GIMAP8: variants seen among roughly 807,000 people sequenced by gnomAD.
GIMAP8 encodes the protein GTPase IMAP family member 8.
A neutral mutation model predicts 35.6 loss-of-function variants in GIMAP8; 29 were observed. The ratio of observed to expected loss-of-function variants is 0.81; its 90% CI spans 0.61 to 1.11. The LOEUF (loss-of-function observed/expected upper bound fraction) is 1.11. Among genes scored for constraint, GIMAP8 ranks in the 50% most tolerant of loss-of-function variants. The pLI, the probability that GIMAP8 is intolerant of heterozygous loss-of-function variation, is 0.00. For synonymous variants in GIMAP8, 335 were observed against 308.7 expected, an observed-to-expected ratio of 1.09 and a Z score of -0.89; for missense variants, 811 against 805.0, an observed-to-expected ratio of 1.01 and a Z score of -0.09.
At chr7:150,470,478 G>T (rs559906430) in intron 2 of GIMAP8, among the ~76,000 whole-genome samples, 1 of 152,026 alleles carries the variant, frequency 6.6e-6, no homozygotes, top group East Asian at 1.9e-4. Context: ...CCATTTGCCA[G>T]ACTTGGGGGG....
intron 4 of GIMAP8, among the ~76,000 whole-genome samples, chr7:150,474,918 C>T (rs1038442913): frequency 2.6e-5 from 4 of 151,312 alleles, no homozygotes; most frequent in African/African-American, 9.7e-5. Context: ...TATTCCCCTT[C>T]CTGTGTCCAT....
At chr7:150,456,625 C>T (rs575553452) in intron 1 of GIMAP8, among the ~76,000 whole-genome samples, 24 of 152,336 alleles carry the variant, frequency 1.6e-4, no homozygotes, top group African/African-American at 5.5e-4. Context: ...TAAAGTAACA[C>T]AGCCACAGAT....
At chr7:150,464,896 G>A (rs1352960920) in intron 1 of GIMAP8, among the ~76,000 whole-genome samples, 3 of 152,184 alleles carry the variant, frequency 2.0e-5, no homozygotes, top group African/African-American at 4.8e-5. Flanking sequence ...GATAATGAGT[G>A]TAAGCACATT....
intron 1 of GIMAP8, among the ~76,000 whole-genome samples, chr7:150,452,521 T>C (rs1280852493): frequency 2.0e-5 from 3 of 148,672 alleles, no homozygotes; most frequent in Non-Finnish European, 4.4e-5. Flanking sequence ...TGTCTTTTTT[T>C]CTTAAATTAA....
chr7:150,471,394 A>G (rs953478086), intron 3 of GIMAP8, among the ~76,000 whole-genome samples: 1 of 152,260 alleles, frequency 6.6e-6, no homozygotes, highest in African/African-American at 2.4e-5. Flanking sequence ...AACAAATGCA[A>G]CCATGCCTTT....
At chr7:150,455,858 G>A (rs1801720080) in intron 1 of GIMAP8, among the ~76,000 whole-genome samples, 1 of 152,130 alleles carries the variant, frequency 6.6e-6, no homozygotes, top group Non-Finnish European at 1.5e-5. Flanking sequence ...ACAAAGAGTT[G>A]GTCTCTGGGA....
At chr7:150,470,581 T>C (rs112624824) in intron 2 of GIMAP8, among the ~76,000 whole-genome samples, 113 of 152,058 alleles carry the variant, frequency 7.4e-4, no homozygotes, top group African/African-American at 2.6e-3. Flanking sequence ...GAAGGAGACG[T>C]TGGAAACATC....
Position 150,477,130 on chromosome 7 carries a change from G to A in GIMAP8, c.1348G>A (p.Gly450Arg). 6.2e-7 allele frequency: 1 copy of A among 1,612,002 alleles called. No homozygotes were observed. Among genetic ancestry groups the A allele is most frequent in the Non-Finnish European group, 8.5e-7 (1 of 1,178,218 alleles). Residue 450 changes from glycine (G) to arginine (R), a missense_variant, in exon 5 of 5, where the codon GGG (glycine) becomes AGG (arginine). Transcript: ENST00000307271. ...NIVLVGRSGT[G>R]KSATGNSILG... The stretch of plus-strand genomic sequence containing the variant: ...TGTCCTTGTGGGGAGAAGCGGGACT[G>A]GGAAGAGTGCGACCGGGAACTCTAT...
chr7:150,464,094 A>G (rs1056983216), intron 1 of GIMAP8, among the ~76,000 whole-genome samples: 4 of 152,300 alleles, frequency 2.6e-5, no homozygotes, highest in South Asian at 2.1e-4. Flanking sequence ...TTTTACTACT[A>G]CTTGTTATTT....
chr7:150,461,477 C>T (rs761973615), intron 1 of GIMAP8, among the ~76,000 whole-genome samples: 1 of 152,080 alleles, frequency 6.6e-6, no homozygotes, highest in Non-Finnish European at 1.5e-5. Flanking sequence ...TAACCTTCTT[C>T]GTGTCTTTAT....
At chr7:150,466,206 A>G (rs946392306) in intron 1 of GIMAP8, among the ~76,000 whole-genome samples, 1 of 152,192 alleles carries the variant, frequency 6.6e-6, no homozygotes, top group Non-Finnish European at 1.5e-5. Flanking sequence ...TTATAGGGCA[A>G]TGCTTCCCAA....
At chr7:150,466,077 G>A (rs1486623174) in intron 1 of GIMAP8, among the ~76,000 whole-genome samples, 3 of 152,090 alleles carry the variant, frequency 2.0e-5, no homozygotes, top group African/African-American at 4.8e-5. Flanking sequence ...CCTGGCACTG[G>A]GTGCATCACG....
intron 4 of GIMAP8, among the ~76,000 whole-genome samples, chr7:150,474,979 G>T (rs1802195028): frequency 1.3e-5 from 2 of 151,810 alleles, no homozygotes; most frequent in South Asian, 4.2e-4. Flanking sequence ...GCGGTGTTTG[G>T]TTTTTTGTTC....
chr7:150,463,795 A>G (rs1801893339), intron 1 of GIMAP8, among the ~76,000 whole-genome samples: 1 of 152,220 alleles, frequency 6.6e-6, no homozygotes, highest in Non-Finnish European at 1.5e-5. Flanking sequence ...AGTGGCATAT[A>G]CAAACACTGA....
In GIMAP8 at chr7:150,478,326, C is replaced by T. The variant is rs1480166013; in HGVS notation, c.*546C>T. On this transcript the variant is annotated 3_prime_UTR_variant, in exon 5 of 5. Coordinates refer to ENST00000307271, the MANE Select transcript of GIMAP8 (RefSeq NM_175571.4). ...CGACTTAGGGCTAGAGTGTTCTTTT[C>T]TTCACACGTTAGCCATTCCTTACGG... is the stretch of plus-strand genomic sequence containing the variant. The T allele has an allele frequency of 6.5e-6, 1 of 154,662 alleles. No homozygotes were observed. The highest frequency in any genetic ancestry group is 2.4e-5 in the African/African-American group (1 of 41,464). The allele number at this position is 154,662 out of a possible 1,614,324, so 9.6% of individuals were successfully genotyped here.
Position 150,470,857 on chromosome 7 carries a change from AGG to A in GIMAP8, c.667_668del (p.Gly223ArgfsTer55). 6.2e-7 allele frequency: 1 copy of A among 1,603,994 alleles called. No individual in the cohort carries two copies. Among genetic ancestry groups the A allele is most frequent in the Non-Finnish European group, 8.5e-7 (1 of 1,174,124 alleles). On this transcript the variant is annotated frameshift_variant, in exon 3 of 5. Transcript: ENST00000307271. LOFTEE classifies it high-confidence loss of function. ...TGTGTGAATGAAGCTGCATCTCAAGAGGGAGACAAGCCACAGGGTAAGTTGAT... is the reference window on the plus strand; with the variant it reads ...TGTGTGAATGAAGCTGCATCTCAAGAGAGACAAGCCACAGGGTAAGTTGAT...
At chr7:150,463,008 C>T (rs1324206920) in intron 1 of GIMAP8, among the ~76,000 whole-genome samples, 1 of 152,034 alleles carries the variant, frequency 6.6e-6, no homozygotes, top group Non-Finnish European at 1.5e-5. Flanking sequence ...TCCCATATGT[C>T]ATATAGGCTT....
At chr7:150,473,942 A>C in intron 3 of GIMAP8, 70 bp from the exon 4 acceptor site, 3 of 1,493,802 alleles carry the variant, frequency 2.0e-6, no homozygotes, top group Non-Finnish European at 2.7e-6. Context: ...GGGATGAGAA[A>C]TCATAAAACC....
Position 150,477,477 on chromosome 7 carries a change from C to A in GIMAP8, c.1695C>A (p.Thr565=). The A allele has an allele frequency of 6.2e-7, 1 of 1,614,180 alleles. No homozygotes were observed. The highest frequency in any genetic ancestry group is 8.5e-7 in the Non-Finnish European group (1 of 1,180,016). Reference sequence around the variant, plus strand: ...CGAAATACGCGATTATGCTGTTCACCCGGAAGGAAGACCTAGGGGCGGGGA... The same window carrying A: ...CGAAATACGCGATTATGCTGTTCACACGGAAGGAAGACCTAGGGGCGGGGA... ...DFTKYAIMLF[T]RKEDLGAGNL... Residue 565 remains threonine, a synonymous_variant, in exon 5 of 5, where the codon ACC becomes ACA. Coordinates refer to ENST00000307271, the MANE Select transcript of GIMAP8 (RefSeq NM_175571.4).
Sources: gnomAD v4.1 joint callset for allele counts (sites outside exome capture counted in the v4.1 genomes callset) on GRCh38, gnomAD v4.1.1 for gene constraint, MANE v1.5 for transcripts, NCBI Gene and HGNC (gene_info 2026-07-23, HGNC 2026-07-21) for gene names.